Variants in WRN observed in about 807,000 individuals in gnomAD.
The protein encoded by WRN is bifunctional 3'-5' exonuclease/ATP-dependent helicase WRN.
Under a neutral mutation model 180.7 loss-of-function variants are expected in WRN, and 149 were observed. The ratio of observed to expected loss-of-function variants is 0.82; its 90% confidence interval spans 0.72 to 0.94. WRN has a LOEUF of 0.94. WRN is among the 40% of genes least tolerant of loss of function. The pLI is 0.00. For synonymous variants in WRN, 548 were observed against 568.9 expected, an observed-to-expected ratio of 0.96 and a Z score of 0.52; for missense variants, 1,661 against 1,700.1, an observed-to-expected ratio of 0.98 and a Z score of 0.40.
At chr8:31,164,201 G>C (rs10954780) in intron 33 of WRN, among the ~76,000 whole-genome samples, 68,494 of 151,878 alleles carry the variant, frequency 0.45, 15,924 homozygotes, top group South Asian at 0.59. Flanking sequence ...ATGTGAGATT[G>C]TGCTTTTGGA....
At chr8:31,170,555 G>A (rs187991862) in intron 34 of WRN, among the ~76,000 whole-genome samples, 12 of 152,270 alleles carry the variant, frequency 7.9e-5, no homozygotes, top group African/African-American at 1.4e-4. Flanking sequence ...AAATGTGAAT[G>A]TAACTTACAT....
intron 18 of WRN, among the ~76,000 whole-genome samples, chr8:31,104,580 A>C (rs1364806941): frequency 6.6e-6 from 1 of 152,140 alleles, no homozygotes; most frequent in Admixed American, 6.6e-5. Context: ...CTCTTCACCT[A>C]GCCCTAGATC....
At chr8:31,126,111 T>G (rs1018605844) in intron 23 of WRN, among the ~76,000 whole-genome samples, 1 of 151,848 alleles carries the variant, frequency 6.6e-6, no homozygotes, top group Admixed American at 6.6e-5. Context: ...GACCAAAAAA[T>G]CAGTAAGAAG....
rs1801668649 is a variant in WRN, at chr8:31,120,177, G to A, written c.2449-66G>A. On this transcript the variant is annotated intron_variant, in intron 20 of 34. Transcript: ENST00000298139. ...AACGAACAAATTATTCTTACAAAAA[G>A]GTATAAATGTAAGGTTTTCATTCTG... The A allele has an allele frequency of 2.5e-6, 4 of 1,577,400 alleles. No homozygotes were observed. The South Asian group carries it at 3.3e-5, about 13-fold the overall frequency.
chr8:31,052,154 G>A (rs1812100529), intron 1 of WRN, among the ~76,000 whole-genome samples: 1 of 152,080 alleles, frequency 6.6e-6, no homozygotes, highest in African/African-American at 2.4e-5. Flanking sequence ...TCTATAGTAT[G>A]AAAAAATATA....
At position 31,173,297 on chromosome 8, in the gene WRN, G is replaced by T. The variant is rs536279745; in HGVS notation, c.*195G>T. 57 of 599,158 alleles carry T rather than the reference G, an allele frequency of 9.5e-5. No homozygotes were observed. Among genetic ancestry groups the T allele is most frequent in the Non-Finnish European group, 1.4e-4 (49 of 337,992 alleles). 37.1% of individuals were successfully genotyped at this position (599,158 alleles called of 1,614,324 possible). On this transcript the variant is annotated 3_prime_UTR_variant, in exon 35 of 35. Coordinates refer to ENST00000298139, the MANE Select transcript of WRN (RefSeq NM_000553.6). ...GTTTCTGGGTCTTCTGGGAGCCTAC[G>T]TGAGTACATCACCTAACAGAATATT... is the stretch of plus-strand genomic sequence containing the variant.
intron 18 of WRN, among the ~76,000 whole-genome samples, chr8:31,101,931 TAA>T (rs544146921): frequency 6.8e-6 from 1 of 147,880 alleles, no homozygotes. Context: ...CAAGAAGTTG[TAA>T]AAAAAAAAAT....
chr8:31,065,890 T>C (rs1171354585), intron 5 of WRN, among the ~76,000 whole-genome samples: 1 of 151,158 alleles, frequency 6.6e-6, no homozygotes, highest in East Asian at 1.9e-4. Flanking sequence ...TTTTTTTTTT[T>C]TTTTTGAGGT....
chr8:31,037,605 A>G (rs1015145296), intron 1 of WRN, among the ~76,000 whole-genome samples: 1 of 152,142 alleles, frequency 6.6e-6, no homozygotes, highest in Non-Finnish European at 1.5e-5. Context: ...TCTTTTGCAT[A>G]TGGTTATCAG....
At chr8:31,054,571 G>T (rs1407015905) in intron 1 of WRN, among the ~76,000 whole-genome samples, 1 of 151,944 alleles carries the variant, frequency 6.6e-6, no homozygotes, top group East Asian at 1.9e-4. Context: ...ATTCCAGACA[G>T]CCTTTAAAAT....
At chr8:31,157,203 G>A (rs1472200970) in intron 32 of WRN, among the ~76,000 whole-genome samples, 165 bp from the exon 33 acceptor site, 2 of 152,116 alleles carry the variant, frequency 1.3e-5, no homozygotes, top group East Asian at 3.8e-4. Context: ...GCTATAATGG[G>A]GGTAGTTTTA....
chr8:31,167,727 A>AT (rs1803954461), intron 34 of WRN, among the ~76,000 whole-genome samples: 1 of 152,124 alleles, frequency 6.6e-6, no homozygotes, highest in Non-Finnish European at 1.5e-5. Context: ...GAAAGATTAC[A>AT]AATTTAGTAT....
intron 20 of WRN, among the ~76,000 whole-genome samples, chr8:31,119,032 C>T (rs539454628): frequency 6.6e-6 from 1 of 151,892 alleles, no homozygotes. Context: ...TGCTTATTGA[C>T]TCTTACATAT....
chr8:31,058,073 C>A (rs1471265797), intron 1 of WRN, among the ~76,000 whole-genome samples: 1 of 152,048 alleles, frequency 6.6e-6, no homozygotes, highest in Non-Finnish European at 1.5e-5. Context: ...GTCAGGAATT[C>A]ATAATGATTC....
chr8:31,038,603 C>G (rs1346456387), intron 1 of WRN, among the ~76,000 whole-genome samples: 1 of 151,988 alleles, frequency 6.6e-6, no homozygotes, highest in Non-Finnish European at 1.5e-5. Flanking sequence ...ATTACCTATG[C>G]TTTTGGCATC....
rs749621372 is a variant in WRN, at chr8:31,143,580, C to T, written c.3340C>T (p.Pro1114Ser). The T allele has an allele frequency of 1.9e-6, 3 of 1,591,346 alleles. No homozygotes were observed. The highest frequency in any genetic ancestry group is 1.7e-5 in the Admixed American group (1 of 59,784). The change falls in exon 28 of 35, where the codon CCA becomes TCA. Residue 1114 changes from proline (P) to serine (S), a missense_variant. Physicochemically the swap from Pro to Ser is moderately conservative, Grantham distance 74. Coordinates refer to ENST00000298139, the MANE Select transcript of WRN (RefSeq NM_000553.6). ...CTTGGAGAAGTTATATTCTTATAAACCATGTGATAAGATTTCTTCTGGGAG... is the reference window on the plus strand; with the variant it reads ...CTTGGAGAAGTTATATTCTTATAAATCATGTGATAAGATTTCTTCTGGGAG... ...SNLEKLYSYK[P>S]CDKISSGSNI... is the part of the protein sequence containing the mutation.
intron 18 of WRN, among the ~76,000 whole-genome samples, chr8:31,101,787 C>CAAAA (rs60342321): frequency 6.4e-4 from 27 of 42,040 alleles, no homozygotes; most frequent in African/African-American, 1.8e-3. Context: ...AACTCTGTCT[C>CAAAA]AAAAAAAAAA....
chr8:31,040,745 G>A (rs1811620958), intron 1 of WRN, among the ~76,000 whole-genome samples: 1 of 152,158 alleles, frequency 6.6e-6, no homozygotes, highest in Non-Finnish European at 1.5e-5. Flanking sequence ...AAACAGAGAT[G>A]CTATTATAGA....
At chr8:31,050,107 A>G (rs1186539454) in intron 1 of WRN, among the ~76,000 whole-genome samples, 1 of 152,186 alleles carries the variant, frequency 6.6e-6, no homozygotes, top group Non-Finnish European at 1.5e-5. Context: ...TAATTCTTGT[A>G]CAAATATAGA....
Sources: allele counts gnomAD v4.1 joint callset (sites outside exome capture counted in the v4.1 genomes callset), GRCh38; gene constraint gnomAD v4.1.1; transcripts MANE v1.5; gene names NCBI Gene and HGNC (gene_info 2026-07-23, HGNC 2026-07-21).